The following LARGE1 variants were observed in gnomAD, a reference collection of about 807,000 sequenced individuals.
The protein encoded by LARGE1 is LARGE xylosyl- and glucuronyltransferase 1.
A neutral mutation model predicts 87.6 loss-of-function variants in LARGE1; 43 were observed. The observed-to-expected ratio is 0.49, with a 90% CI of 0.38 to 0.63. The LOEUF is 0.63. Ranked by LOEUF, LARGE1 falls within the 30% of genes least tolerant of loss-of-function variation. LARGE1 has a pLI of 0.00. For missense variants in LARGE1, 802 were observed against 1,000.2 expected, an observed-to-expected ratio of 0.80 and a Z score of 2.67; for synonymous variants, 434 against 394.6, an observed-to-expected ratio of 1.10 and a Z score of -1.18.
intron 11 of LARGE1, among the ~76,000 whole-genome samples, chr22:33,242,199 T>C (rs17794682): frequency 0.025 from 3,769 of 152,308 alleles, 55 homozygotes; most frequent in African/African-American, 0.033. Context: ...AGTATGTTCA[T>C]AGAATACTCT....
intron 1 of LARGE1, among the ~76,000 whole-genome samples, chr22:33,809,799 T>C (rs186990875): frequency 6.6e-6 from 1 of 152,300 alleles, no homozygotes; most frequent in East Asian, 1.9e-4. Flanking sequence ...ATGCATATTT[T>C]ACACTTAAGT....
rs187469764 is a variant in LARGE1, at chr22:33,499,807, C to T, written c.787+65041G>A. ...TTCTTTTTTGAGATGAAGTCTCGCT[C>T]TGTCCACCCAGGCTAGAGTGCAATG... On this transcript the variant is annotated intron_variant, in intron 6 of 14. Coordinates refer to ENST00000397394, the MANE Select transcript of LARGE1 (RefSeq NM_133642.5). 1.4e-4 allele frequency among the ~76,000 whole-genome samples: 22 copies of T among 152,312 alleles called. No individual in the cohort carries two copies. The East Asian group carries it at 4.1e-3, about 28-fold the overall frequency.
intron 11 of LARGE1, among the ~76,000 whole-genome samples, chr22:33,173,740 C>G (rs903901907): frequency 6.6e-6 from 1 of 151,410 alleles, no homozygotes; most frequent in Non-Finnish European, 1.5e-5. Context: ...AAAAGAGACA[C>G]AGAAGGCCAT....
intron 11 of LARGE1, among the ~76,000 whole-genome samples, chr22:33,167,503 C>A (rs1922336442): frequency 6.6e-6 from 1 of 152,100 alleles, no homozygotes. Context: ...ACCCATAAGA[C>A]CCTATTAGTT....
the LARGE1 span, among the ~76,000 whole-genome samples, chr22:33,070,080 C>T: frequency 2.2e-4 from 33 of 152,262 alleles, 1 homozygote; most frequent in South Asian, 6.2e-3. Flanking sequence ...CCTCGGCCTC[C>T]GAAAGTGCTG....
chr22:33,498,079 T>G (rs1006880575), intron 6 of LARGE1, among the ~76,000 whole-genome samples: 1 of 152,068 alleles, frequency 6.6e-6, no homozygotes, highest in Non-Finnish European at 1.5e-5. Flanking sequence ...GAGACGGGGT[T>G]TCGGCATGTT....
At chr22:33,820,480 C>G (rs1032160381) in intron 1 of LARGE1, among the ~76,000 whole-genome samples, 1 of 151,856 alleles carries the variant, frequency 6.6e-6, no homozygotes, top group East Asian at 1.9e-4. Context: ...TGCCACCATG[C>G]CCGGCTAATT....
intron 1 of LARGE1, among the ~76,000 whole-genome samples, chr22:33,835,414 T>A (rs913784885): frequency 2.6e-5 from 4 of 152,234 alleles, no homozygotes; most frequent in Admixed American, 2.6e-4. Flanking sequence ...TTCCTAGTTC[T>A]ATAACCCTCC....
chr22:33,634,005 C>T (rs556415367), intron 3 of LARGE1, among the ~76,000 whole-genome samples: 38 of 152,268 alleles, frequency 2.5e-4, no homozygotes, highest in African/African-American at 8.7e-4. Flanking sequence ...CTTCACTCGC[C>T]TCATCCGTAA....
chr22:33,305,074 G>A (rs1187205881), intron 11 of LARGE1, among the ~76,000 whole-genome samples: 1 of 152,196 alleles, frequency 6.6e-6, no homozygotes, highest in African/African-American at 2.4e-5. Flanking sequence ...ATGGAGGAAC[G>A]GACGTGCCGT....
At chr22:33,321,911 C>T (rs922960812) in intron 10 of LARGE1, among the ~76,000 whole-genome samples, 4 of 152,102 alleles carry the variant, frequency 2.6e-5, no homozygotes, top group Admixed American at 6.5e-5. Context: ...CTCTGCCTCC[C>T]GGGTTCAAGC....
chr22:33,632,883 C>T (rs1044088563), intron 3 of LARGE1, among the ~76,000 whole-genome samples: 4 of 152,078 alleles, frequency 2.6e-5, no homozygotes, highest in African/African-American at 4.8e-5. Flanking sequence ...GAGTAATGAA[C>T]CATAAAAGCT....
intron 11 of LARGE1, among the ~76,000 whole-genome samples, chr22:33,257,534 T>C (rs1471154485): frequency 2.0e-5 from 3 of 152,088 alleles, no homozygotes; most frequent in Non-Finnish European, 4.4e-5. Context: ...AAGAAGCCAT[T>C]TTCTCTTGGC....
At chr22:33,792,949 C>G (rs2085868255) in intron 1 of LARGE1, among the ~76,000 whole-genome samples, 1 of 152,198 alleles carries the variant, frequency 6.6e-6, no homozygotes, top group Non-Finnish European at 1.5e-5. Flanking sequence ...AGCACCTCTT[C>G]TAGACCAAGT....
intron 10 of LARGE1, among the ~76,000 whole-genome samples, chr22:33,317,659 T>A (rs1936300932): frequency 6.6e-6 from 1 of 152,210 alleles, no homozygotes; most frequent in African/African-American, 2.4e-5. Context: ...TACACAGATG[T>A]GCAAATCTGC....
chr22:33,459,364 G>A (rs1049682888), intron 6 of LARGE1, among the ~76,000 whole-genome samples: 5 of 151,678 alleles, frequency 3.3e-5, no homozygotes, highest in East Asian at 1.9e-4. Context: ...AATGTGGATC[G>A]AGGAGCATGA....
At chr22:33,094,583 CTT>C in the LARGE1 span, among the ~76,000 whole-genome samples, 13 of 151,998 alleles carry the variant, frequency 8.6e-5, no homozygotes, top group African/African-American at 2.9e-4. Flanking sequence ...CCTTTCTCTA[CTT>C]TTTCTTTCTT....
intron 1 of LARGE1, among the ~76,000 whole-genome samples, chr22:33,817,987 C>T (rs2086707460): frequency 6.6e-6 from 1 of 152,092 alleles, no homozygotes; most frequent in African/African-American, 2.4e-5. Flanking sequence ...CAGCTTCACA[C>T]TGTGGAGGAA....
At chr22:33,607,388 G>C (rs901552644) in intron 4 of LARGE1, among the ~76,000 whole-genome samples, 1 of 146,584 alleles carries the variant, frequency 6.8e-6, no homozygotes, top group African/African-American at 2.5e-5. Flanking sequence ...TTGAACCTGG[G>C]AGGCAGAGGT....
Sources: gnomAD v4.1 joint callset for allele counts (sites outside exome capture counted in the v4.1 genomes callset) on GRCh38, gnomAD v4.1.1 for gene constraint, MANE v1.5 for transcripts, NCBI Gene and HGNC (gene_info 2026-07-23, HGNC 2026-07-21) for gene names.